Variants in GARNL3 observed in about 807,000 individuals in gnomAD.
The protein encoded by GARNL3 is GTPase-activating Rap/Ran-GAP domain-like protein 3.
A neutral mutation model predicts 125.0 loss-of-function variants in GARNL3; 63 were observed. That is an observed-to-expected ratio of 0.50 (90% CI 0.41 to 0.62). The LOEUF (loss-of-function observed/expected upper bound fraction) is 0.62, where lower values mean the gene tolerates loss of function less well. Among genes scored for constraint, GARNL3 ranks in the 20% least tolerant of loss-of-function variants. The pLI is 0.00. For missense variants in GARNL3, 994 were observed against 1,244.0 expected, an observed-to-expected ratio of 0.80 and a Z score of 3.02; for synonymous variants, 439 against 457.5, an observed-to-expected ratio of 0.96 and a Z score of 0.52.
chr9:127,342,294 T>C lies in GARNL3; in HGVS notation c.1211T>C (p.Ile404Thr). 6.2e-7 allele frequency: 1 copy of C among 1,613,828 alleles called. No homozygotes were observed. ...CGTCGGCGTACCCTGGATATGTTGATTAGATCTTTACACCAGGATTTGATG... is the reference window on the plus strand; with the variant it reads ...CGTCGGCGTACCCTGGATATGTTGACTAGATCTTTACACCAGGATTTGATG... Reference protein sequence around the residue: ...QKRRRTLDMLIRSLHQDLMPD... With the variant: ...QKRRRTLDMLTRSLHQDLMPD... Residue 404 changes from isoleucine (I) to threonine (T), a missense_variant, in exon 14 of 28, where the codon ATT becomes ACT. Ile to Thr is a moderately conservative substitution (Grantham distance 89). This residue lies in a region of GARNL3 where 728 missense variants were observed against 865.7 expected (regional missense o/e 0.84). Coordinates refer to ENST00000373387, the MANE Select transcript of GARNL3 (RefSeq NM_032293.5).
At chr9:127,320,897 A>T in intron 6 of GARNL3, 119 bp downstream of exon 6, 2 of 666,096 alleles carry the variant, frequency 3.0e-6, no homozygotes, top group East Asian at 5.5e-5. Context: ...ATGCAACTTT[A>T]AAAAAATCAT....
chr9:127,350,198 A>C (rs981062653), intron 17 of GARNL3, among the ~76,000 whole-genome samples: 7 of 152,208 alleles, frequency 4.6e-5, no homozygotes, highest in Admixed American at 3.9e-4. Context: ...TCAGTATGTA[A>C]TTTTTGAAAT....
chr9:127,248,558 G>A (rs559973639), intron 2 of GARNL3, among the ~76,000 whole-genome samples: 147 of 148,798 alleles, frequency 9.9e-4, no homozygotes, highest in Non-Finnish European at 1.9e-3. Context: ...AACACTGACA[G>A]CAAGGAAATT....
At chr9:127,267,928 G>C (rs1416731910) in intron 1 of GARNL3, among the ~76,000 whole-genome samples, 5 of 152,212 alleles carry the variant, frequency 3.3e-5, no homozygotes, top group Non-Finnish European at 5.9e-5. Context: ...GTCTTGTGAA[G>C]AATGAAGCTC....
intron 2 of GARNL3, among the ~76,000 whole-genome samples, chr9:127,255,048 C>T (rs752785369): frequency 1.3e-5 from 2 of 152,182 alleles, no homozygotes; most frequent in African/African-American, 2.4e-5. Flanking sequence ...ATATGCTGCT[C>T]ATGAGAGGGT....
At chr9:127,355,257 C>T (rs781566766) in intron 19 of GARNL3, 40 bp from the exon 20 acceptor site, 18 of 1,583,774 alleles carry the variant, frequency 1.1e-5, no homozygotes, top group East Asian at 1.1e-4. Flanking sequence ...CTTCCACACC[C>T]GCATGTCATG....
chr9:127,323,496 CACTGAGGAGCAGCCTCTAT>C, intron 6 of GARNL3, among the ~76,000 whole-genome samples: 1 of 152,294 alleles, frequency 6.6e-6, no homozygotes, highest in South Asian at 2.1e-4. Flanking sequence ...CAGCCTAGCC[CACTGAGGAGCAGCCTCTAT>C]TACCAGGCCA....
chr9:127,234,829 T>C (rs1278252731), intron 1 of GARNL3, among the ~76,000 whole-genome samples: 1 of 152,182 alleles, frequency 6.6e-6, no homozygotes, highest in Non-Finnish European at 1.5e-5. Context: ...TGGGATTCTG[T>C]TATACAGACA....
chr9:127,256,603 G>A (rs559519996), intron 2 of GARNL3, among the ~76,000 whole-genome samples: 1 of 152,304 alleles, frequency 6.6e-6, no homozygotes, highest in Non-Finnish European at 1.5e-5. Context: ...CTGGTACCTT[G>A]TAGGTACTCA....
chr9:127,256,699 TC>T (rs2063500942), intron 2 of GARNL3, among the ~76,000 whole-genome samples: 1 of 152,202 alleles, frequency 6.6e-6, no homozygotes, highest in African/African-American at 2.4e-5. Context: ...AATTATAGAT[TC>T]ATGTGCAGTG....
intron 21 of GARNL3, 73 bp from the exon 22 acceptor site, chr9:127,365,227 T>C: frequency 1.5e-6 from 2 of 1,330,018 alleles, no homozygotes; most frequent in Non-Finnish European, 1.1e-6. Context: ...CCACAAATGC[T>C]CACAACTTGT....
At chr9:127,352,043 G>A (rs1830448037) in intron 17 of GARNL3, among the ~76,000 whole-genome samples, 1 of 152,198 alleles carries the variant, frequency 6.6e-6, no homozygotes, top group Admixed American at 6.5e-5. Context: ...GTATACCTCT[G>A]TTCCTATGTA....
chr9:127,279,341 T>C (rs1252002445), intron 1 of GARNL3, among the ~76,000 whole-genome samples: 1 of 152,232 alleles, frequency 6.6e-6, no homozygotes, highest in Non-Finnish European at 1.5e-5. Flanking sequence ...TCTTCTGTTA[T>C]ATCTTTGATT....
At chr9:127,236,496 C>T (rs946529150) in intron 1 of GARNL3, among the ~76,000 whole-genome samples, 10 of 152,156 alleles carry the variant, frequency 6.6e-5, no homozygotes, top group Admixed American at 1.3e-4. Context: ...CCAGACAGTC[C>T]GGAGCACAGT....
intron 26 of GARNL3, among the ~76,000 whole-genome samples, chr9:127,389,782 A>G (rs1013504539): frequency 8.6e-5 from 13 of 152,018 alleles, no homozygotes; most frequent in South Asian, 2.1e-4. Flanking sequence ...TTAGCCAGCC[A>G]TGGTGGCATG....
chr9:127,292,216 C>T (rs1236008199), intron 2 of GARNL3, among the ~76,000 whole-genome samples: 2 of 152,202 alleles, frequency 1.3e-5, no homozygotes, highest in African/African-American at 2.4e-5. Context: ...CTGACCCTTG[C>T]CATTGACATG....
intron 1 of GARNL3, among the ~76,000 whole-genome samples, chr9:127,274,198 G>T (rs537292214): frequency 6.6e-6 from 1 of 152,134 alleles, no homozygotes; most frequent in South Asian, 2.1e-4. Flanking sequence ...TTTTGATACA[G>T]TATGATTTTA....
At chr9:127,325,123 C>G in intron 7 of GARNL3, 28 bp downstream of exon 7, 1 of 1,599,368 alleles carries the variant, frequency 6.3e-7, no homozygotes, top group Non-Finnish European at 8.6e-7. Context: ...GATATTTGCA[C>G]CTGCTCTGCC....
chr9:127,267,794 G>A (rs755945890), intron 1 of GARNL3, among the ~76,000 whole-genome samples: 5 of 152,182 alleles, frequency 3.3e-5, no homozygotes, highest in Non-Finnish European at 5.9e-5. Context: ...CTGCTGTGAT[G>A]AAAATTGTTG....
Sources: gnomAD v4.1 joint callset for allele counts (sites outside exome capture counted in the v4.1 genomes callset) on GRCh38, gnomAD v4.1.1 for gene constraint, gnomAD v4.1.1 regional missense constraint, MANE v1.5 for transcripts, NCBI Gene and HGNC (gene_info 2026-07-23, HGNC 2026-07-21) for gene names.